The following SMYD3 variants were observed in gnomAD, a reference collection of about 807,000 sequenced individuals.
The protein encoded by SMYD3 is histone-lysine N-methyltransferase SMYD3.
A neutral mutation model predicts 57.7 loss-of-function variants in SMYD3; 36 were observed. The ratio of observed to expected loss-of-function variants is 0.62; its 90% CI spans 0.48 to 0.82. The LOEUF is 0.82. Ranked by LOEUF, SMYD3 falls within the 40% of genes least tolerant of loss-of-function variation. SMYD3 has a pLI of 0.00. For missense variants in SMYD3, 515 were observed against 538.8 expected (o/e 0.96, Z 0.44); for synonymous variants, 211 against 195.0 (o/e 1.08, Z -0.68).
At chr1:246,353,257 G>T (rs1005937362) in intron 2 of SMYD3, among the ~76,000 whole-genome samples, 3 of 152,212 alleles carry the variant, frequency 2.0e-5, no homozygotes, top group African/African-American at 7.2e-5. Flanking sequence ...GCTGGGCACA[G>T]TGGCTGACAC....
At chr1:245,908,135 A>C (rs1004417221) in intron 8 of SMYD3, among the ~76,000 whole-genome samples, 2 of 143,612 alleles carry the variant, frequency 1.4e-5, no homozygotes, top group African/African-American at 5.4e-5. Flanking sequence ...ACTCCATCTC[A>C]AAAAAAAAAA....
At chr1:246,079,042 A>T (rs1463613325) in intron 5 of SMYD3, among the ~76,000 whole-genome samples, 1 of 152,070 alleles carries the variant, frequency 6.6e-6, no homozygotes, top group Non-Finnish European at 1.5e-5. Flanking sequence ...GTAAAGTGAA[A>T]GCAACTTTAT....
At position 245,828,666 on chromosome 1, in the gene SMYD3, G is replaced by A. The variant is rs576863784; in HGVS notation, c.1076+29830C>T. Among the ~76,000 whole-genome samples, 66 of 151,702 alleles carry A rather than the reference G, an allele frequency of 4.4e-4. No homozygotes were observed. The South Asian group carries it at 4.4e-3, about 10-fold the overall frequency. Reference sequence around the variant, plus strand: ...TGGAGAAAACCTGATGCAGATAGAAGAGGCTTCTGATACATATTAGGACAT... The same window carrying A: ...TGGAGAAAACCTGATGCAGATAGAAAAGGCTTCTGATACATATTAGGACAT... On this transcript the variant is annotated intron_variant, in intron 10 of 11. Transcript: ENST00000490107.
chr1:245,789,345 G>C (rs916971772), intron 10 of SMYD3, among the ~76,000 whole-genome samples: 11 of 152,190 alleles, frequency 7.2e-5, no homozygotes, highest in African/African-American at 2.7e-4. Context: ...AGCAGGGACA[G>C]GAATGGCACT....
At chr1:246,223,180 A>G (rs116426603) in intron 5 of SMYD3, among the ~76,000 whole-genome samples, 2,012 of 152,190 alleles carry the variant, frequency 0.013, 63 homozygotes, top group African/African-American at 0.046. Flanking sequence ...TCCTGTACCC[A>G]GGGTGAGGAG....
chr1:246,377,109 T>C (rs1426449977), intron 1 of SMYD3, among the ~76,000 whole-genome samples: 1 of 152,014 alleles, frequency 6.6e-6, no homozygotes, highest in Non-Finnish European at 1.5e-5. Flanking sequence ...ATAATAATAA[T>C]AACGTATTAA....
At chr1:246,376,211 T>G (rs1348137242) in intron 1 of SMYD3, among the ~76,000 whole-genome samples, 1 of 152,190 alleles carries the variant, frequency 6.6e-6, no homozygotes, top group Non-Finnish European at 1.5e-5. Flanking sequence ...CACACAGCTC[T>G]CTACGTGTCT....
intron 5 of SMYD3, among the ~76,000 whole-genome samples, chr1:246,298,839 C>T (rs2064842092): frequency 6.6e-6 from 1 of 151,886 alleles, no homozygotes; most frequent in African/African-American, 2.4e-5. Context: ...TTTTATTATG[C>T]AAAACTTCAT....
At chr1:246,008,359 C>T (rs1183957072) in intron 5 of SMYD3, among the ~76,000 whole-genome samples, 3 of 152,158 alleles carry the variant, frequency 2.0e-5, no homozygotes, top group Admixed American at 6.5e-5. Flanking sequence ...TCCTGTAATG[C>T]GACGTAAATA....
At chr1:246,502,609 C>T (rs2068474062) in intron 1 of SMYD3, among the ~76,000 whole-genome samples, 1 of 152,140 alleles carries the variant, frequency 6.6e-6, no homozygotes, top group African/African-American at 2.4e-5. Context: ...ACTCCTTACC[C>T]GGGCTGGTTT....
chr1:245,914,688 G>A (rs75924096), intron 8 of SMYD3, among the ~76,000 whole-genome samples: 9,252 of 152,208 alleles, frequency 0.061, 548 homozygotes, highest in African/African-American at 0.14. Context: ...AGCACTGTAG[G>A]GGGATATGGT....
chr1:246,439,624 G>A (rs1455333556), intron 1 of SMYD3, among the ~76,000 whole-genome samples: 4 of 149,756 alleles, frequency 2.7e-5, no homozygotes, highest in Admixed American at 6.8e-5. Context: ...AAATGGGTGA[G>A]ACTGACTCTT....
At chr1:245,912,280 G>A (rs1007028791) in intron 8 of SMYD3, among the ~76,000 whole-genome samples, 2 of 151,834 alleles carry the variant, frequency 1.3e-5, no homozygotes, top group Non-Finnish European at 2.9e-5. Context: ...CCCAAAAAAA[G>A]ACACCTAGGA....
Position 246,477,417 on chromosome 1 carries a change from T to A in SMYD3, c.164+29637A>T, listed in dbSNP as rs189322982. On this transcript the variant is annotated intron_variant, in intron 1 of 11. Coordinates refer to ENST00000490107, the MANE Select transcript of SMYD3 (RefSeq NM_001167740.2). ...AACACGACTATATTCTAACACTGTT[T>A]TTGAAAACCTAGAGAAACTACCTGA... Among the ~76,000 whole-genome samples, 440 of 152,332 alleles carry A rather than the reference T, an allele frequency of 2.9e-3. 1 individual carries two copies. Among genetic ancestry groups the A allele is most frequent in the African/African-American group, 9.8e-3 (407 of 41,574 alleles).
intron 8 of SMYD3, among the ~76,000 whole-genome samples, chr1:245,883,989 A>G (rs548650026): frequency 7.3e-4 from 111 of 152,270 alleles, no homozygotes; most frequent in African/African-American, 2.3e-3. Flanking sequence ...ATTTCTATTT[A>G]ATCTCAAATA....
At chr1:246,396,097 C>G (rs2066667238) in intron 1 of SMYD3, among the ~76,000 whole-genome samples, 2 of 152,154 alleles carry the variant, frequency 1.3e-5, no homozygotes, top group South Asian at 4.1e-4. Context: ...CACTATATCT[C>G]ATCATGTAAG....
chr1:246,415,776 A>C (rs1170928157), intron 1 of SMYD3, among the ~76,000 whole-genome samples: 1 of 152,168 alleles, frequency 6.6e-6, no homozygotes, highest in East Asian at 1.9e-4. Context: ...TTAGAGAAAA[A>C]AGGTTTTATA....
chr1:245,978,214 T>C (rs61839407), intron 5 of SMYD3, among the ~76,000 whole-genome samples: 19,036 of 152,234 alleles, frequency 0.13, 1,321 homozygotes, highest in East Asian at 0.19. Flanking sequence ...CTACTATTTA[T>C]GCTGGGAGGC....
At chr1:245,910,979 AT>A (rs1395168969) in intron 8 of SMYD3, among the ~76,000 whole-genome samples, 1 of 152,104 alleles carries the variant, frequency 6.6e-6, no homozygotes, top group African/African-American at 2.4e-5. Context: ...TGAAAAAAAA[AT>A]TTGCAAAGTA....
Sources: allele counts gnomAD v4.1 joint callset (sites outside exome capture counted in the v4.1 genomes callset), GRCh38; gene constraint gnomAD v4.1.1; transcripts MANE v1.5; gene names NCBI Gene and HGNC (gene_info 2026-07-23, HGNC 2026-07-21).